Variants in RSBN1 observed in about 807,000 individuals in gnomAD.
RSBN1 encodes lysine-specific demethylase 9.
A neutral mutation model predicts 74.8 loss-of-function variants in RSBN1; 23 were observed. That is an observed-to-expected ratio of 0.31 (90% CI 0.22 to 0.44). RSBN1 has a LOEUF of 0.44. Ranked by LOEUF, RSBN1 falls within the 20% of genes least tolerant of loss-of-function variation. The probability of loss-of-function intolerance (pLI) is 1.00; values close to 1 mark genes in which losing one functional copy is unlikely to be tolerated. For missense variants in RSBN1, 808 were observed against 1,020.9 expected (o/e 0.79, Z 2.84); for synonymous variants, 407 against 379.6 (o/e 1.07, Z -0.84).
chr1:113,811,623 G>C (rs1660849892), intron 1 of RSBN1, 87 bp downstream of exon 1: 2 of 1,487,276 alleles, frequency 1.3e-6, no homozygotes, highest in African/African-American at 1.4e-5. Flanking sequence ...GGTAAGCAGG[G>C]GTTTGGCGTC....
chr1:113,768,088 T>TA (rs1659817396), intron 5 of RSBN1, 134 bp downstream of exon 5: 1 of 667,018 alleles, frequency 1.5e-6, no homozygotes, highest in South Asian at 3.0e-5. Flanking sequence ...AATGTACATT[T>TA]AAAAATGGTT....
chr1:113,781,881 C>T (rs1352314520), intron 2 of RSBN1, among the ~76,000 whole-genome samples: 2 of 152,222 alleles, frequency 1.3e-5, no homozygotes, highest in East Asian at 3.8e-4. Context: ...TGTAAAACCT[C>T]TTAACCAGTA....
intron 2 of RSBN1, among the ~76,000 whole-genome samples, chr1:113,780,284 G>A (rs1660113193): frequency 6.6e-6 from 1 of 152,202 alleles, no homozygotes; most frequent in South Asian, 2.1e-4. Context: ...TACTTGGCCT[G>A]AGATTATACA....
At chr1:113,777,586 G>T in intron 3 of RSBN1, 85 bp downstream of exon 3, 1 of 1,267,778 alleles carries the variant, frequency 7.9e-7, no homozygotes, top group Non-Finnish European at 1.1e-6. Flanking sequence ...AATTTCAATA[G>T]GCAATATTAG....
Position 113,777,290 on chromosome 1 carries a change from A to G in RSBN1, c.1578T>C (p.Asp526=). ...CTGGCCTTACCCACATTATAGGCCC[A>G]TCATCACTCTGGGACCTACACTGGA... ...LRLQCRSQSD[D]GPIMWVRPGE... is the part of the protein sequence containing the mutation. Residue 526 remains aspartate, a synonymous_variant, in exon 4 of 7, where the codon GAT becomes GAC. Transcript: ENST00000261441. The G allele has an allele frequency of 1.9e-6, 3 of 1,613,416 alleles. No individual in the cohort carries two copies. The highest frequency in any genetic ancestry group is 2.2e-5 in the East Asian group (1 of 44,846).
intron 1 of RSBN1, among the ~76,000 whole-genome samples, chr1:113,809,458 G>T (rs751612660): frequency 2.0e-5 from 3 of 152,172 alleles, no homozygotes; most frequent in Non-Finnish European, 2.9e-5. Context: ...GGACAAAAAA[G>T]ATATCAGTCA....
At chr1:113,774,627 A>C (rs1659981028) in intron 4 of RSBN1, among the ~76,000 whole-genome samples, 2 of 152,016 alleles carry the variant, frequency 1.3e-5, no homozygotes, top group South Asian at 4.2e-4. Context: ...CAGTGAGCCG[A>C]GATCGCACCA....
intron 1 of RSBN1, among the ~76,000 whole-genome samples, chr1:113,804,805 G>GTTTT (rs1660669431): frequency 6.6e-6 from 1 of 151,152 alleles, no homozygotes; most frequent in Non-Finnish European, 1.5e-5. Flanking sequence ...AGTGTTTCTG[G>GTTTT]ACTTAAAATC....
intron 4 of RSBN1, among the ~76,000 whole-genome samples, chr1:113,774,181 C>T (rs1659940582): frequency 6.6e-6 from 1 of 152,032 alleles, no homozygotes; most frequent in Non-Finnish European, 1.5e-5. Context: ...ACACCTAACA[C>T]GAATGATTTC....
At chr1:113,768,510 AC>A in intron 4 of RSBN1, 121 bp from the exon 5 acceptor site, 1 of 629,576 alleles carries the variant, frequency 1.6e-6, no homozygotes, top group Non-Finnish European at 2.7e-6. Flanking sequence ...TAAGATGAGG[AC>A]TGAGAAGGGT....
At chr1:113,783,721 G>A (rs1004826603) in intron 2 of RSBN1, among the ~76,000 whole-genome samples, 1 of 151,954 alleles carries the variant, frequency 6.6e-6, no homozygotes, top group Non-Finnish European at 1.5e-5. Flanking sequence ...TTTCTCTTTT[G>A]AGGGCTGCAA....
intron 3 of RSBN1, 131 bp from the exon 4 acceptor site, chr1:113,777,483 A>G: frequency 1.1e-6 from 1 of 937,508 alleles, no homozygotes; most frequent in Non-Finnish European, 1.5e-6. Flanking sequence ...CTATTTACAT[A>G]GTAATTTATA....
In RSBN1 at chr1:113,797,683, C is replaced by T; in HGVS notation, c.1057G>A (p.Gly353Ser). 5.0e-6 allele frequency: 8 copies of T among 1,614,048 alleles called. No individual in the cohort carries two copies. Among genetic ancestry groups the T allele is most frequent in the African/African-American group, 1.3e-5 (1 of 75,024 alleles). Reference protein sequence around the residue: ...HSIRRNFLKTGTKFSNFIHEE... With the variant: ...HSIRRNFLKTSTKFSNFIHEE... ...TGAATAAAGTTGCTAAATTTAGTAC[C>T]TGTTTTTAAGAAATTTCTACGAATA... The change falls in exon 2 of 7, where the codon GGT becomes AGT. Residue 353 changes from glycine to serine, a missense_variant. This residue lies in a region of RSBN1 where 85 missense variants were observed against 126.2 expected (regional missense o/e 0.67). Coordinates refer to ENST00000261441, the MANE Select transcript of RSBN1 (RefSeq NM_018364.5).
Position 113,802,886 on chromosome 1 carries a change from T to C in RSBN1, c.704-4850A>G, listed in dbSNP as rs150941548. Among the ~76,000 whole-genome samples the C allele has an allele frequency of 6.4e-3, 969 of 152,302 alleles. 7 individuals are homozygous for C. The highest frequency in any genetic ancestry group is 0.01 in the Non-Finnish European group (714 of 68,016). ...CCGCAGTCCATGGTTTACATTCAGG[T>C]TCACTCTTGTTGTACATTCTGAGGG... On this transcript the variant is annotated intron_variant, in intron 1 of 6. Coordinates refer to ENST00000261441, the MANE Select transcript of RSBN1 (RefSeq NM_018364.5).
chr1:113,785,807 G>C (rs1352168813), intron 2 of RSBN1, among the ~76,000 whole-genome samples: 1 of 152,048 alleles, frequency 6.6e-6, no homozygotes, highest in African/African-American at 2.4e-5. Flanking sequence ...AGATCTAAAA[G>C]AAAGCTAATG....
chr1:113,791,261 T>G (rs968897434), intron 2 of RSBN1, among the ~76,000 whole-genome samples: 1 of 152,142 alleles, frequency 6.6e-6, no homozygotes, highest in Non-Finnish European at 1.5e-5. Flanking sequence ...TGCATAAAAT[T>G]TATTCTCTTT....
In RSBN1 at chr1:113,766,189, A is replaced by T. The variant is rs1219660131; in HGVS notation, c.2200T>A (p.Ser734Thr). ...LTGKRELEVD[S>T]QCVRIKTESE... ...TCAGTTTTTATCCTCACACATTGGG[A>T]GTCAACTTCTAATTCTCGCTTTCCA... Residue 734 changes from serine (S) to threonine (T), a missense_variant, in exon 7 of 7, where the codon TCC becomes ACC. By Grantham distance (58) the Ser-to-Thr change is moderately conservative. Transcript: ENST00000261441. 5.0e-6 allele frequency: 8 copies of T among 1,613,968 alleles called. No individual in the cohort carries two copies. The highest frequency in any genetic ancestry group is 6.8e-6 in the Non-Finnish European group (8 of 1,179,970).
chr1:113,797,757 C>T lies in RSBN1; in HGVS notation c.983G>A (p.Arg328Gln), dbSNP rs181761557. 6 of 1,613,972 alleles carry T rather than the reference C, an allele frequency of 3.7e-6. No homozygotes were observed. The highest frequency in any genetic ancestry group is 2.2e-5 in the East Asian group (1 of 44,878). Reference protein sequence around the residue: ...CRLNLGMQEYRVPQGVQTPFM... With the variant: ...CRLNLGMQEYQVPQGVQTPFM... ...AGGTGTTTGTACTCCCTGGGGTACC[C>T]GATATTCTTGCATACCCAAATTTAA... The change falls in exon 2 of 7, where the codon CGG (arginine) becomes CAG (glutamine). Residue 328 changes from arginine to glutamine, a missense_variant. Transcript: ENST00000261441.
chr1:113,812,186 G>A lies in RSBN1; in HGVS notation c.227C>T (p.Pro76Leu). The change falls in exon 1 of 7, where the codon CCT becomes CTT. Residue 76 changes from proline (P) to leucine (L), a missense_variant. Physicochemically the swap from Pro to Leu is moderately conservative, Grantham distance 98. Coordinates refer to ENST00000261441, the MANE Select transcript of RSBN1 (RefSeq NM_018364.5). ...EEPDKEGKEK[P>L]HAGVSPRGVK... is the part of the protein sequence containing the mutation. The stretch of plus-strand genomic sequence containing the variant: ...TCCCCGCGGGGAGACCCCAGCATGA[G>A]GTTTCTCCTTCCCCTCTTTGTCCGG... 6.2e-7 allele frequency: 1 copy of A among 1,608,800 alleles called. No individual in the cohort carries two copies. The highest frequency in any genetic ancestry group is 1.1e-5 in the South Asian group (1 of 91,078).
Sources: gnomAD v4.1 joint callset for allele counts (sites outside exome capture counted in the v4.1 genomes callset) on GRCh38, gnomAD v4.1.1 for gene constraint, gnomAD v4.1.1 regional missense constraint, MANE v1.5 for transcripts, NCBI Gene and HGNC (gene_info 2026-07-23, HGNC 2026-07-21) for gene names.